The following MIA2 variants were observed in gnomAD, a reference collection of about 807,000 sequenced individuals.
The protein encoded by MIA2 is MIA SH3 domain ER export factor 2.
In MIA2, 127 loss-of-function variants were observed where a neutral mutation model predicts 167.8. The ratio of observed to expected loss-of-function variants is 0.76; its 90% CI spans 0.66 to 0.88. The LOEUF is 0.88. Among genes scored for constraint, MIA2 ranks in the 40% least tolerant of loss-of-function variants. The pLI is 0.00. For synonymous variants in MIA2, 552 were observed against 541.9 expected, an observed-to-expected ratio of 1.02 and a Z score of -0.26; for missense variants, 1,690 against 1,624.7, an observed-to-expected ratio of 1.04 and a Z score of -0.69.
In MIA2 at chr14:39,386,957, G is replaced by A. The variant is rs79585628; in HGVS notation, c.*5G>A. 4.5e-4 allele frequency: 353 copies of A among 784,070 alleles called. 2 individuals carry two copies. In the East Asian group the frequency reaches 8.4e-3, roughly 19 times the overall value. 48.6% of individuals were successfully genotyped at this position (784,070 alleles called of 1,614,324 possible). ...CTAGGAGGGCCCCAGAAATGAAGCC[G>A]AAGCATTGGCGGATGAGACTAACGA... On this transcript the variant is annotated 3_prime_UTR_variant, in exon 24 of 24. Coordinates refer to the MIA2 transcript ENST00000341502.
intron 14 of MIA2, among the ~76,000 whole-genome samples, chr14:39,301,001 CATATATACACAT>C (rs2062371376): frequency 6.8e-6 from 1 of 146,544 alleles, no homozygotes; most frequent in African/African-American, 2.6e-5. Flanking sequence ...CACATATATA[CATATATACACAT>C]ATATACACAC....
intron 12 of MIA2, among the ~76,000 whole-genome samples, chr14:39,294,464 C>T (rs1425198761): frequency 6.6e-6 from 1 of 151,854 alleles, no homozygotes; most frequent in Non-Finnish European, 1.5e-5. Flanking sequence ...TCCCAAAGTG[C>T]TGGGATTACA....
chr14:39,263,870 G>C (rs1055170863), intron 6 of MIA2, among the ~76,000 whole-genome samples: 1 of 152,090 alleles, frequency 6.6e-6, no homozygotes, highest in South Asian at 2.1e-4. Context: ...CTGACCTCGA[G>C]TGATTCGCCC....
At chr14:39,313,218 T>C (rs2064670291) in intron 18 of MIA2, 122 bp from the exon 19 acceptor site, 2 of 475,858 alleles carry the variant, frequency 4.2e-6, no homozygotes, top group Non-Finnish European at 7.5e-6. Context: ...TTGTAGGTGA[T>C]GTTTTCAGTG....
intron 9 of MIA2, among the ~76,000 whole-genome samples, chr14:39,283,850 T>C (rs1289572761): frequency 6.6e-6 from 1 of 152,184 alleles, no homozygotes; most frequent in African/African-American, 2.4e-5. Context: ...TTAAATCAGG[T>C]TGTATGTTTG....
chr14:39,289,393 T>C (rs1251413034), intron 9 of MIA2, among the ~76,000 whole-genome samples: 1 of 152,092 alleles, frequency 6.6e-6, no homozygotes, highest in Non-Finnish European at 1.5e-5. Flanking sequence ...TTTTGTATTT[T>C]TAGTAGAGAC....
At chr14:39,368,856 C>G (rs1489405858) in intron 23 of MIA2, among the ~76,000 whole-genome samples, 1 of 151,810 alleles carries the variant, frequency 6.6e-6, no homozygotes, top group East Asian at 1.9e-4. Flanking sequence ...TTAGTTCAAA[C>G]TTTGTTTCAC....
exon 24 of MIA2, chr14:39,387,082 A>C: frequency 1.6e-6 from 1 of 629,204 alleles, no homozygotes. Flanking sequence ...GCCTTGGCCT[A>C]ACTGTCTCGG....
chr14:39,293,207 C>T, intron 10 of MIA2, 64 bp from the exon 11 acceptor site: 1 of 1,083,316 alleles, frequency 9.2e-7, no homozygotes, highest in Non-Finnish European at 1.4e-6. Context: ...TTTTATTATG[C>T]TCGTCTGATT....
rs911761486 is a variant in MIA2, at chr14:39,338,656, C to T, written c.3656-7248C>T. ...GGGAATAACCAGTTCATTATAAATT[C>T]TTTATAAATACTAACCTGCAACAAA... On this transcript the variant is annotated intron_variant, in intron 25 of 28. Transcript: ENST00000640607. Among the ~76,000 whole-genome samples, 3 of 152,058 alleles carry T rather than the reference C, an allele frequency of 2.0e-5. No homozygotes were observed. The East Asian group carries it at 5.8e-4, about 29-fold the overall frequency.
Position 39,386,269 on chromosome 14 carries a change from C to A in MIA2, c.2249-616C>A. ...AGGGTCCTTCCTTTGATAACTCAGT[C>A]GGTAATTTCTCTGAGGAATTTCTGG... On this transcript the variant is annotated intron_variant, in intron 23 of 23. Coordinates refer to the MIA2 transcript ENST00000341502. The A allele has an allele frequency of 2.8e-6, 4 of 1,438,720 alleles. No individual in the cohort carries two copies. The South Asian group carries it at 4.6e-5, about 16-fold the overall frequency. 89.1% of individuals were successfully genotyped at this position (1,438,720 alleles called of 1,614,324 possible).
At chr14:39,298,443 A>ATATATATATATATAT (rs1372100362) in intron 13 of MIA2, among the ~76,000 whole-genome samples, 852 of 49,830 alleles carry the variant, frequency 0.017, 87 homozygotes, top group African/African-American at 0.055. Context: ...ATATATATAT[A>ATATATATATATATAT]AAGATTAGTT....
intron 23 of MIA2, chr14:39,385,321 C>CT (rs2075253854): frequency 5.4e-6 from 4 of 739,270 alleles, no homozygotes; most frequent in Non-Finnish European, 9.5e-6. Context: ...TCCAAATCCT[C>CT]TTTAAAAAAA....
chr14:39,385,104 C>T (rs2075248882), intron 23 of MIA2, among the ~76,000 whole-genome samples: 1 of 152,154 alleles, frequency 6.6e-6, no homozygotes, highest in South Asian at 2.1e-4. Flanking sequence ...ACGACTGCTA[C>T]TTGATGGCCA....
chr14:39,256,862 C>T (rs1471436463), intron 6 of MIA2, among the ~76,000 whole-genome samples: 1 of 152,092 alleles, frequency 6.6e-6, no homozygotes, highest in African/African-American at 2.4e-5. Context: ...AAGGAAGCAA[C>T]AATTCAAGAA....
intron 13 of MIA2, among the ~76,000 whole-genome samples, chr14:39,299,155 G>T (rs912703336): frequency 4.2e-5 from 6 of 142,866 alleles, no homozygotes; most frequent in Admixed American, 3.5e-4. Flanking sequence ...TATTTGATTT[G>T]TGAAGCTTTT....
intron 3 of MIA2, among the ~76,000 whole-genome samples, chr14:39,244,574 T>C (rs1204854216): frequency 6.6e-6 from 1 of 152,212 alleles, no homozygotes; most frequent in Non-Finnish European, 1.5e-5. Flanking sequence ...AAGCTTATTC[T>C]TTAAAAAACC....
At chr14:39,382,323 G>C (rs951547477) in intron 23 of MIA2, among the ~76,000 whole-genome samples, 1 of 152,194 alleles carries the variant, frequency 6.6e-6, no homozygotes, top group African/African-American at 2.4e-5. Flanking sequence ...AGCATCGATA[G>C]GAAATTTGTT....
intron 13 of MIA2, among the ~76,000 whole-genome samples, chr14:39,298,971 C>T (rs1002695515): frequency 7.2e-6 from 1 of 139,112 alleles, no homozygotes; most frequent in African/African-American, 2.7e-5. Context: ...TGCTTGTAGT[C>T]TAGTTGCTTG....
Sources: gnomAD v4.1 joint callset for allele counts (sites outside exome capture counted in the v4.1 genomes callset) on GRCh38, gnomAD v4.1.1 for gene constraint, MANE v1.5 for transcripts, NCBI Gene and HGNC (gene_info 2026-07-23, HGNC 2026-07-21) for gene names.